UNC13C: variants seen among roughly 807,000 people sequenced by gnomAD.
UNC13C encodes unc-13 homolog C, also known as protein unc-13 homolog C.
UNC13C carries 174 observed loss-of-function variants against 245.4 expected under a neutral mutation model. That is an observed-to-expected ratio of 0.71 (90% CI 0.63 to 0.80). The LOEUF is 0.80. Among genes scored for constraint, UNC13C ranks in the 30% least tolerant of loss-of-function variants. UNC13C has a pLI of 0.00. For synonymous variants in UNC13C, 992 were observed against 895.1 expected, an observed-to-expected ratio of 1.11 and a Z score of -1.93; for missense variants, 2,829 against 2,602.9, an observed-to-expected ratio of 1.09 and a Z score of -1.89.
chr15:53,908,932 C>A, the UNC13C span, among the ~76,000 whole-genome samples: 1 of 145,966 alleles, frequency 6.9e-6, no homozygotes, highest in South Asian at 2.3e-4. Context: ...TTATTGTTAA[C>A]ATAAACATTA....
At chr15:54,224,673 G>C (rs1349153245) in intron 4 of UNC13C, among the ~76,000 whole-genome samples, 2 of 152,126 alleles carry the variant, frequency 1.3e-5, no homozygotes, top group Non-Finnish European at 2.9e-5. Flanking sequence ...GAGTCTAGAA[G>C]TATTCACTTC....
At chr15:53,892,514 A>G in the UNC13C span, among the ~76,000 whole-genome samples, 4 of 152,196 alleles carry the variant, frequency 2.6e-5, no homozygotes, top group Non-Finnish European at 4.4e-5. Context: ...AGGTACACCA[A>G]TCAAATGTAC....
intron 19 of UNC13C, among the ~76,000 whole-genome samples, chr15:54,466,397 A>G (rs1172339604): frequency 6.6e-6 from 1 of 151,974 alleles, no homozygotes; most frequent in Non-Finnish European, 1.5e-5. Context: ...TGATTTGATC[A>G]TTTCACATAG....
intron 26 of UNC13C, among the ~76,000 whole-genome samples, chr15:54,533,947 G>T (rs746338993): frequency 6.6e-6 from 1 of 152,174 alleles, no homozygotes; most frequent in Non-Finnish European, 1.5e-5. Context: ...AGGGACCAGT[G>T]TCATATATGT....
chr15:54,351,799 A>G (rs904933918), intron 17 of UNC13C, among the ~76,000 whole-genome samples: 1 of 152,126 alleles, frequency 6.6e-6, no homozygotes, highest in African/African-American at 2.4e-5. Context: ...AATCAAAACC[A>G]TAAGATTTTA....
intron 13 of UNC13C, among the ~76,000 whole-genome samples, chr15:54,320,285 G>T (rs1236565221): frequency 6.6e-6 from 1 of 151,952 alleles, no homozygotes; most frequent in Non-Finnish European, 1.5e-5. Context: ...AAACTCCTGC[G>T]CAGTTGCTTT....
chr15:54,539,801 A>T (rs1309367984), intron 26 of UNC13C, among the ~76,000 whole-genome samples: 1 of 152,110 alleles, frequency 6.6e-6, no homozygotes, highest in Non-Finnish European at 1.5e-5. Flanking sequence ...CCATTTCACC[A>T]TCTATAAAAC....
At chr15:54,159,582 G>T (rs756701463) in intron 4 of UNC13C, among the ~76,000 whole-genome samples, 9 of 152,186 alleles carry the variant, frequency 5.9e-5, no homozygotes, top group Non-Finnish European at 1.2e-4. Flanking sequence ...GTGTCCCTGT[G>T]GCTAAAATGT....
chr15:54,269,430 A>G (rs991867907), intron 10 of UNC13C, among the ~76,000 whole-genome samples: 1 of 152,198 alleles, frequency 6.6e-6, no homozygotes, highest in African/African-American at 2.4e-5. Context: ...AACATAGGGC[A>G]TGTCAAAGAG....
At chr15:54,310,462 A>G (rs1265969533) in intron 13 of UNC13C, among the ~76,000 whole-genome samples, 1 of 151,864 alleles carries the variant, frequency 6.6e-6, no homozygotes, top group Non-Finnish European at 1.5e-5. Flanking sequence ...CCCTGGCTGC[A>G]ATAGAATCAA....
chr15:54,405,410 A>T (rs1430459578), intron 18 of UNC13C, among the ~76,000 whole-genome samples: 1 of 152,176 alleles, frequency 6.6e-6, no homozygotes, highest in African/African-American at 2.4e-5. Flanking sequence ...TGCAGATGGT[A>T]TAGACTCCTT....
At chr15:54,397,965 C>T (rs1261240969) in intron 18 of UNC13C, among the ~76,000 whole-genome samples, 1 of 151,106 alleles carries the variant, frequency 6.6e-6, no homozygotes, top group East Asian at 1.9e-4. Context: ...CCTTATTGCT[C>T]TGGTTAAAAT....
intron 2 of UNC13C, among the ~76,000 whole-genome samples, chr15:54,060,720 A>G (rs62009795): frequency 0.16 from 23,659 of 151,694 alleles, 1,743 homozygotes; most frequent in Admixed American, 0.2. Context: ...AACCAACCCA[A>G]ATGTCCAACA....
chr15:54,014,244 G>T lies in UNC13C; in HGVS notation c.1341G>T (p.Gln447His), dbSNP rs759357424. ...PEPKIKKNNW[Q>H]SPDDSDEDLE... ...CAAAAATCAAGAAGAACAATTGGCAGTCACCTGATGACAGTGATGAAGATC... is the reference window on the plus strand; with the variant it reads ...CAAAAATCAAGAAGAACAATTGGCATTCACCTGATGACAGTGATGAAGATC... Residue 447 changes from glutamine (Q) to histidine (H), a missense_variant, in exon 2 of 33, where the codon CAG becomes CAT. Gln to His is a conservative substitution (Grantham distance 24). Coordinates refer to ENST00000260323, the MANE Select transcript of UNC13C (RefSeq NM_001080534.3). 1 of 1,613,908 alleles carries T rather than the reference G, an allele frequency of 6.2e-7. No individual in the cohort carries two copies. Among genetic ancestry groups the T allele is most frequent in the Non-Finnish European group, 8.5e-7 (1 of 1,179,830 alleles).
intron 30 of UNC13C, among the ~76,000 whole-genome samples, chr15:54,620,800 A>ACCT (rs1900749986): frequency 2.6e-5 from 4 of 151,644 alleles, no homozygotes; most frequent in African/African-American, 9.7e-5. Flanking sequence ...AAAAAAAAAA[A>ACCT]ACCTCTCTCC....
intron 18 of UNC13C, among the ~76,000 whole-genome samples, chr15:54,399,999 C>A (rs183622466): frequency 6.6e-6 from 1 of 151,870 alleles, no homozygotes. Flanking sequence ...CCTGTATATC[C>A]ATTATTCAAA....
chr15:53,900,102 C>T, the UNC13C span, among the ~76,000 whole-genome samples: 4 of 152,240 alleles, frequency 2.6e-5, no homozygotes, highest in South Asian at 4.2e-4. Context: ...AATACCCCCT[C>T]GATCTTCAAT....
intron 30 of UNC13C, among the ~76,000 whole-genome samples, chr15:54,616,323 A>G (rs568387060): frequency 3.5e-4 from 54 of 152,160 alleles, no homozygotes; most frequent in African/African-American, 1.2e-3. Flanking sequence ...ACATATACCA[A>G]TGTTACAGTC....
At chr15:54,434,180 G>A (rs527826033) in intron 19 of UNC13C, among the ~76,000 whole-genome samples, 1 of 152,056 alleles carries the variant, frequency 6.6e-6, no homozygotes, top group South Asian at 2.1e-4. Context: ...TAGATTCAAT[G>A]CTATCCCCAT....
Sources: allele counts gnomAD v4.1 joint callset (sites outside exome capture counted in the v4.1 genomes callset), GRCh38; gene constraint gnomAD v4.1.1; transcripts MANE v1.5; gene names NCBI Gene and HGNC (gene_info 2026-07-23, HGNC 2026-07-21).